Variants in CADPS2 observed in about 807,000 individuals in gnomAD.
CADPS2 encodes the protein calcium-dependent secretion activator 2.
CADPS2 carries 93 observed loss-of-function variants against 172.5 expected under a neutral mutation model. The observed-to-expected ratio is 0.54, with a 90% CI of 0.46 to 0.64. The LOEUF (loss-of-function observed/expected upper bound fraction) is 0.64, where lower values mean the gene tolerates loss of function less well. CADPS2 is among the 30% of genes least tolerant of loss of function. The pLI, the probability that CADPS2 is intolerant of heterozygous loss-of-function variation, is 0.00. For missense variants in CADPS2, 1,420 were observed against 1,565.9 expected (o/e 0.91, Z 1.57); for synonymous variants, 546 against 555.2 (o/e 0.98, Z 0.23).
At chr7:122,567,383 GTTTGT>G (rs1274898848) in intron 7 of CADPS2, among the ~76,000 whole-genome samples, 1 of 152,090 alleles carries the variant, frequency 6.6e-6, no homozygotes, top group African/African-American at 2.4e-5. Flanking sequence ...TGGCTAGGTT[GTTTGT>G]TTTATTTGTC....
intron 25 of CADPS2, among the ~76,000 whole-genome samples, chr7:122,375,338 T>C (rs34761338): frequency 0.037 from 5,557 of 152,216 alleles, 163 homozygotes; most frequent in Non-Finnish European, 0.051. Flanking sequence ...GTAAACAATG[T>C]TAACTTTTTT....
chr7:122,629,167 C>A (rs2134164488), intron 4 of CADPS2, 81 bp downstream of exon 4: 7 of 1,037,374 alleles, frequency 6.7e-6, no homozygotes, highest in South Asian at 1.7e-5. Context: ...TTTTTTTAAC[C>A]TATACAAAAC....
chr7:122,581,960 T>A (rs1388569542), intron 6 of CADPS2, among the ~76,000 whole-genome samples: 1 of 152,126 alleles, frequency 6.6e-6, no homozygotes, highest in South Asian at 2.1e-4. Context: ...ATTAATAGCA[T>A]CTTGCCTTTA....
In CADPS2 at chr7:122,443,964, C is replaced by T. The variant is rs1370789954; in HGVS notation, c.2289-2389G>A. On this transcript the variant is annotated intron_variant, in intron 15 of 29. Transcript: ENST00000449022. ...ATACTTGTGACTATAATCAAGTTAA[C>T]TCATGGCCTGCAAGTCTTCCCCCCA... is the stretch of plus-strand genomic sequence containing the variant. 3.9e-5 allele frequency among the ~76,000 whole-genome samples: 6 copies of T among 152,030 alleles called. No individual in the cohort carries two copies. In the South Asian group the frequency reaches 1.2e-3, roughly 31 times the overall value.
chr7:122,594,731 C>T (rs1373478752), intron 6 of CADPS2, among the ~76,000 whole-genome samples: 1 of 151,718 alleles, frequency 6.6e-6, no homozygotes, highest in Non-Finnish European at 1.5e-5. Context: ...AAGACATTAG[C>T]TTGAAGCACC....
At chr7:122,577,807 C>T (rs2068241678) in intron 7 of CADPS2, among the ~76,000 whole-genome samples, 1 of 152,116 alleles carries the variant, frequency 6.6e-6, no homozygotes, top group African/African-American at 2.4e-5. Flanking sequence ...TCTGCATTCT[C>T]ACAAGCACTG....
At chr7:122,355,771 T>C (rs886626593) in intron 27 of CADPS2, among the ~76,000 whole-genome samples, 1 of 152,152 alleles carries the variant, frequency 6.6e-6, no homozygotes, top group Non-Finnish European at 1.5e-5. Context: ...AAAGAACTAA[T>C]GCAGTTATGT....
intron 13 of CADPS2, among the ~76,000 whole-genome samples, chr7:122,472,484 T>C (rs1296848798): frequency 1.3e-5 from 2 of 152,158 alleles, no homozygotes; most frequent in African/African-American, 4.8e-5. Context: ...GCAAATCAGT[T>C]GTTGAGCCAT....
intron 22 of CADPS2, among the ~76,000 whole-genome samples, chr7:122,389,662 A>G (rs1330538879): frequency 6.6e-6 from 1 of 152,088 alleles, no homozygotes; most frequent in Non-Finnish European, 1.5e-5. Context: ...ACATTAAAAC[A>G]TATTGAAATT....
chr7:122,715,800 G>T (rs1348727775), intron 2 of CADPS2, among the ~76,000 whole-genome samples: 1 of 151,846 alleles, frequency 6.6e-6, no homozygotes, highest in African/African-American at 2.4e-5. Context: ...CCCTAGTAAG[G>T]TACTACCAAA....
At chr7:122,598,368 G>C (rs2072220160) in intron 6 of CADPS2, among the ~76,000 whole-genome samples, 1 of 151,974 alleles carries the variant, frequency 6.6e-6, no homozygotes, top group Non-Finnish European at 1.5e-5. Flanking sequence ...CATTTAAAAA[G>C]TAGTTTCTCC....
rs141760468 is a variant in CADPS2, at chr7:122,605,185, G to A, written c.1223+9996C>T. Reference sequence around the variant, plus strand: ...TTACCATGAAAGGAAATTGCAGGACGGGAAGTTGCTCTAGGTGAGTCAGTG... The same window carrying A: ...TTACCATGAAAGGAAATTGCAGGACAGGAAGTTGCTCTAGGTGAGTCAGTG... On this transcript the variant is annotated intron_variant, in intron 6 of 29. Coordinates refer to ENST00000449022, the MANE Select transcript of CADPS2 (RefSeq NM_017954.11). Among the ~76,000 whole-genome samples, 17 of 152,188 alleles carry A rather than the reference G, an allele frequency of 1.1e-4. No homozygotes were observed. The East Asian group carries it at 2.5e-3, about 22-fold the overall frequency.
chr7:122,815,351 C>T (rs1315406597), intron 1 of CADPS2, among the ~76,000 whole-genome samples: 1 of 152,110 alleles, frequency 6.6e-6, no homozygotes, highest in Admixed American at 6.5e-5. Context: ...TACTCAAGAG[C>T]TATAAAGTTA....
intron 4 of CADPS2, among the ~76,000 whole-genome samples, chr7:122,628,518 T>A (rs1587955340): frequency 2.0e-5 from 3 of 151,958 alleles, no homozygotes; most frequent in Admixed American, 2.0e-4. Context: ...GAGAATCTTA[T>A]GTTCAGAGCA....
At chr7:122,454,373 C>T (rs1334905906) in intron 14 of CADPS2, among the ~76,000 whole-genome samples, 2 of 152,134 alleles carry the variant, frequency 1.3e-5, no homozygotes, top group African/African-American at 4.8e-5. Flanking sequence ...GGAGCCTGGA[C>T]TTGAACCTAG....
intron 2 of CADPS2, among the ~76,000 whole-genome samples, chr7:122,701,199 G>T (rs1448464728): frequency 6.6e-6 from 1 of 151,940 alleles, no homozygotes; most frequent in Non-Finnish European, 1.5e-5. Context: ...TTTGGATAAG[G>T]GCAAAAAGGG....
At chr7:122,825,571 C>T (rs1168755449) in intron 1 of CADPS2, among the ~76,000 whole-genome samples, 3 of 152,088 alleles carry the variant, frequency 2.0e-5, no homozygotes, top group Non-Finnish European at 4.4e-5. Context: ...AGAGAAAGAA[C>T]AAGGTAAAGG....
intron 11 of CADPS2, among the ~76,000 whole-genome samples, chr7:122,485,096 A>G (rs2057674007): frequency 6.6e-6 from 1 of 152,158 alleles, no homozygotes; most frequent in Admixed American, 6.6e-5. Context: ...ACTGTTCCCC[A>G]TCTCTCTCCC....
At chr7:122,454,034 A>T (rs939648604) in intron 14 of CADPS2, among the ~76,000 whole-genome samples, 1 of 152,234 alleles carries the variant, frequency 6.6e-6, no homozygotes, top group Non-Finnish European at 1.5e-5. Flanking sequence ...TAGGCATAAG[A>T]AGCAGCCTTC....
Sources: gnomAD v4.1 joint callset for allele counts (sites outside exome capture counted in the v4.1 genomes callset) on GRCh38, gnomAD v4.1.1 for gene constraint, MANE v1.5 for transcripts, NCBI Gene and HGNC (gene_info 2026-07-23, HGNC 2026-07-21) for gene names.